DLG2: variants seen among roughly 807,000 people sequenced by gnomAD.
DLG2 encodes the protein discs large MAGUK scaffold protein 2, also known as disks large homolog 2.
Under a neutral mutation model 132.5 loss-of-function variants are expected in DLG2, and 45 were observed. The ratio of observed to expected loss-of-function variants is 0.34; its 90% CI spans 0.27 to 0.44. The LOEUF is 0.44. Among genes scored for constraint, DLG2 ranks in the 20% least tolerant of loss-of-function variants. DLG2 has a pLI of 1.00. For missense variants in DLG2, 1,045 were observed against 1,196.9 expected (o/e 0.87, Z 1.87); for synonymous variants, 424 against 419.6 (o/e 1.01, Z -0.13).
intron 6 of DLG2, among the ~76,000 whole-genome samples, chr11:85,033,301 G>A (rs1486808000): frequency 6.6e-6 from 1 of 150,440 alleles, no homozygotes; most frequent in Admixed American, 6.6e-5. Flanking sequence ...AATATCCCCT[G>A]GAAATTATTC....
At chr11:84,512,693 T>A (rs1169126601) in intron 7 of DLG2, among the ~76,000 whole-genome samples, 1 of 151,554 alleles carries the variant, frequency 6.6e-6, no homozygotes. Flanking sequence ...AGAAACTTTA[T>A]AGGCCAAGAG....
intron 19 of DLG2, among the ~76,000 whole-genome samples, chr11:83,603,876 G>A (rs2058942376): frequency 6.6e-6 from 1 of 152,122 alleles, no homozygotes; most frequent in East Asian, 1.9e-4. Flanking sequence ...TTCTAGAAGT[G>A]ATTTTTTACC....
intron 4 of DLG2, among the ~76,000 whole-genome samples, chr11:85,275,171 A>G (rs1276894328): frequency 1.3e-5 from 2 of 152,146 alleles, no homozygotes; most frequent in Non-Finnish European, 2.9e-5. Flanking sequence ...CAACAGAACT[A>G]TCTTTAAGAA....
chr11:85,582,501 C>T (rs1197127270), intron 3 of DLG2, among the ~76,000 whole-genome samples: 1 of 150,804 alleles, frequency 6.6e-6, no homozygotes, highest in Non-Finnish European at 1.5e-5. Flanking sequence ...GATGATAATC[C>T]AAATTTGAGA....
chr11:84,237,675 A>C (rs1029801050), intron 8 of DLG2, among the ~76,000 whole-genome samples: 1 of 152,190 alleles, frequency 6.6e-6, no homozygotes, highest in Non-Finnish European at 1.5e-5. Flanking sequence ...GTGTATTTAA[A>C]CAAACTTGGA....
chr11:84,418,076 C>T (rs1467684494), intron 7 of DLG2, among the ~76,000 whole-genome samples: 1 of 152,182 alleles, frequency 6.6e-6, no homozygotes, highest in Non-Finnish European at 1.5e-5. Flanking sequence ...TGAGTTTGCT[C>T]TTTGACCATA....
intron 18 of DLG2, among the ~76,000 whole-genome samples, chr11:83,704,697 C>T (rs1160863924): frequency 4.0e-5 from 6 of 150,332 alleles, no homozygotes; most frequent in African/African-American, 1.5e-4. Flanking sequence ...CGTGGTGGCA[C>T]AGGCCTGTAA....
At chr11:84,840,273 A>G (rs1183427233) in intron 6 of DLG2, among the ~76,000 whole-genome samples, 1 of 152,180 alleles carries the variant, frequency 6.6e-6, no homozygotes, top group Non-Finnish European at 1.5e-5. Flanking sequence ...AGAAATGCAA[A>G]TCAAAACCAC....
At chr11:84,776,359 G>A (rs1354792624) in intron 6 of DLG2, among the ~76,000 whole-genome samples, 3 of 151,960 alleles carry the variant, frequency 2.0e-5, no homozygotes, top group Non-Finnish European at 2.9e-5. Flanking sequence ...GTCTCCTTAT[G>A]TTGCCCAGGC....
intron 8 of DLG2, among the ~76,000 whole-genome samples, chr11:84,216,980 A>T (rs537604766): frequency 9.2e-5 from 14 of 152,348 alleles, no homozygotes; most frequent in African/African-American, 3.4e-4. Flanking sequence ...CTCCTAAAAA[A>T]TAAATGAATG....
intron 6 of DLG2, among the ~76,000 whole-genome samples, chr11:84,667,537 C>G (rs2099701205): frequency 7.6e-6 from 1 of 130,826 alleles, no homozygotes; most frequent in Non-Finnish European, 1.5e-5. Context: ...TGCTCTGTAG[C>G]CCAGGCTGGA....
intron 6 of DLG2, among the ~76,000 whole-genome samples, chr11:84,844,008 T>C (rs2081050310): frequency 6.7e-6 from 1 of 149,490 alleles, no homozygotes. Flanking sequence ...ATATATATTA[T>C]GTTCCCATAC....
intron 3 of DLG2, among the ~76,000 whole-genome samples, chr11:85,472,083 C>T (rs899545678): frequency 1.3e-5 from 2 of 152,096 alleles, no homozygotes; most frequent in Non-Finnish European, 2.9e-5. Flanking sequence ...GCCTGAAAAC[C>T]AAGCTGCCAG....
chr11:83,620,747 G>A (rs1034364284), intron 19 of DLG2, among the ~76,000 whole-genome samples: 2 of 149,700 alleles, frequency 1.3e-5, no homozygotes, highest in Non-Finnish European at 3.0e-5. Context: ...GCGGGCGCCT[G>A]TAGTCCCAGC....
chr11:84,455,864 T>C (rs780678351), intron 7 of DLG2, among the ~76,000 whole-genome samples: 1 of 151,394 alleles, frequency 6.6e-6, no homozygotes, highest in Non-Finnish European at 1.5e-5. Flanking sequence ...GATTCAGGAA[T>C]ACAGGCCAAA....
intron 6 of DLG2, among the ~76,000 whole-genome samples, chr11:84,800,962 A>G (rs76662287): frequency 0.015 from 2,341 of 152,256 alleles, 24 homozygotes; most frequent in Non-Finnish European, 0.026. Context: ...TAGTGTTCTT[A>G]ATATGTACTT....
intron 19 of DLG2, among the ~76,000 whole-genome samples, chr11:83,594,675 G>A (rs1299786408): frequency 6.6e-6 from 1 of 152,164 alleles, no homozygotes; most frequent in East Asian, 1.9e-4. Context: ...AATTGGATGG[G>A]AAGGAAGGGT....
At chr11:85,323,355 T>A (rs988014848) in intron 3 of DLG2, among the ~76,000 whole-genome samples, 2 of 152,256 alleles carry the variant, frequency 1.3e-5, no homozygotes, top group African/African-American at 4.8e-5. Context: ...ACTTATTAAA[T>A]GCCCTTCTTT....
intron 6 of DLG2, among the ~76,000 whole-genome samples, chr11:85,017,269 C>T (rs2059652820): frequency 6.6e-6 from 1 of 151,888 alleles, no homozygotes; most frequent in African/African-American, 2.4e-5. Flanking sequence ...TTTTGTTTTG[C>T]TCAAACTCTC....
Sources: gnomAD v4.1 joint callset for allele counts (sites outside exome capture counted in the v4.1 genomes callset) on GRCh38, gnomAD v4.1.1 for gene constraint, MANE v1.5 for transcripts, NCBI Gene and HGNC (gene_info 2026-07-23, HGNC 2026-07-21) for gene names.